The following AK9 variants were observed in gnomAD, a reference collection of about 807,000 sequenced individuals.
The protein encoded by AK9 is adenylate kinase domain containing 1.
Under a neutral mutation model 239.6 loss-of-function variants are expected in AK9, and 191 were observed. The ratio of observed to expected loss-of-function variants is 0.80; its 90% CI spans 0.71 to 0.90. AK9 has a LOEUF of 0.90. AK9 is among the 40% of genes least tolerant of loss of function. The pLI, the probability that AK9 is intolerant of heterozygous loss-of-function variation, is 0.00. For missense variants in AK9, 1,995 were observed against 2,214.7 expected (o/e 0.90, Z 1.99); for synonymous variants, 689 against 721.0 (o/e 0.96, Z 0.71).
At chr6:109,528,556 G>C in intron 29 of AK9, 1 of 456,960 alleles carries the variant, frequency 2.2e-6, no homozygotes, top group Non-Finnish European at 4.4e-6. Context: ...TGAATATTTT[G>C]TTTTGACAAA....
At chr6:109,676,116 A>G (rs895258046) in intron 1 of AK9, among the ~76,000 whole-genome samples, 1 of 152,136 alleles carries the variant, frequency 6.6e-6, no homozygotes, top group African/African-American at 2.4e-5. Flanking sequence ...ATTTTACCAG[A>G]AATAGAAAAG....
chr6:109,659,652 ACAAGT>A (rs1363784569), intron 6 of AK9, among the ~76,000 whole-genome samples: 1 of 152,162 alleles, frequency 6.6e-6, no homozygotes, highest in African/African-American at 2.4e-5. Context: ...AAAAAGTATT[ACAAGT>A]CTTAAGATGA....
intron 5 of AK9, among the ~76,000 whole-genome samples, chr6:109,666,286 AG>A (rs1441278808): frequency 6.6e-6 from 1 of 152,224 alleles, no homozygotes; most frequent in East Asian, 1.9e-4. Flanking sequence ...CAATTCTGGA[AG>A]ATCCCAGGGA....
At chr6:109,567,158 A>T (rs188041977) in intron 21 of AK9, among the ~76,000 whole-genome samples, 42 of 152,292 alleles carry the variant, frequency 2.8e-4, no homozygotes, top group African/African-American at 9.1e-4. Flanking sequence ...TTTTGAAAAG[A>T]TCAACAAAAT....
At chr6:109,527,775 A>C (rs1246281359) in intron 29 of AK9, 3 of 152,232 alleles carry the variant, frequency 2.0e-5, no homozygotes, top group African/African-American at 7.2e-5. Context: ...TCTACATAGA[A>C]TATTGAATTT....
At chr6:109,582,068 G>C (rs1788931239) in intron 19 of AK9, among the ~76,000 whole-genome samples, 1 of 152,122 alleles carries the variant, frequency 6.6e-6, no homozygotes, top group African/African-American at 2.4e-5. Flanking sequence ...AACTGCTGTT[G>C]AGATCTACTG....
In AK9 at chr6:109,493,169, T is replaced by C; in HGVS notation, c.*200A>G. 2.1e-6 allele frequency: 1 copy of C among 479,348 alleles called. No individual in the cohort carries two copies. Among genetic ancestry groups the C allele is most frequent in the Non-Finnish European group, 3.7e-6 (1 of 272,650 alleles). 29.7% of individuals were successfully genotyped at this position (479,348 alleles called of 1,614,324 possible). On this transcript the variant is annotated 3_prime_UTR_variant, in exon 41 of 41. Coordinates refer to ENST00000424296, the MANE Select transcript of AK9 (RefSeq NM_001145128.3). ...GGCAAAGAGCAATACATTTTAAAAT[T>C]GTATTAAAACTTGTTTCCATAAGAG...
chr6:109,652,694 C>G (rs71541003), intron 8 of AK9, among the ~76,000 whole-genome samples: 52,620 of 151,974 alleles, frequency 0.35, 9,570 homozygotes, highest in South Asian at 0.44. Flanking sequence ...TTAATAATTA[C>G]AAAAATAACT....
chr6:109,623,353 T>G (rs1244265664), intron 12 of AK9, among the ~76,000 whole-genome samples: 1 of 152,290 alleles, frequency 6.6e-6, no homozygotes. Flanking sequence ...CTTTTAAGAC[T>G]AAGTCATGAA....
At chr6:109,547,145 T>A (rs1484451599) in intron 25 of AK9, among the ~76,000 whole-genome samples, 1 of 152,128 alleles carries the variant, frequency 6.6e-6, no homozygotes, top group Non-Finnish European at 1.5e-5. Flanking sequence ...GATTGGGGCT[T>A]CTTTGTGAGG....
intron 37 of AK9, 74 bp downstream of exon 37, chr6:109,497,722 G>A: frequency 5.2e-6 from 8 of 1,525,004 alleles, no homozygotes; most frequent in Non-Finnish European, 7.1e-6. Flanking sequence ...TGACCAATAT[G>A]TTAAGATTAT....
chr6:109,558,585 T>C (rs540612179), intron 24 of AK9, among the ~76,000 whole-genome samples: 1 of 152,358 alleles, frequency 6.6e-6, no homozygotes, highest in Admixed American at 6.5e-5. Context: ...TTAATCTGTT[T>C]GCTGTTTTGT....
At chr6:109,622,371 A>C (rs1297949126) in intron 12 of AK9, among the ~76,000 whole-genome samples, 1 of 143,012 alleles carries the variant, frequency 7.0e-6, no homozygotes, top group African/African-American at 2.5e-5. Flanking sequence ...ATAGCATACT[A>C]TATCGTATAG....
chr6:109,574,663 T>C (rs1196687246), intron 20 of AK9, among the ~76,000 whole-genome samples: 1 of 152,140 alleles, frequency 6.6e-6, no homozygotes, highest in Non-Finnish European at 1.5e-5. Context: ...CCATAGACCC[T>C]AGGTTAAGAA....
intron 20 of AK9, among the ~76,000 whole-genome samples, chr6:109,575,660 G>C (rs1343596370): frequency 6.6e-6 from 1 of 152,084 alleles, no homozygotes; most frequent in African/African-American, 2.4e-5. Context: ...TTCTTTTGCT[G>C]TGCAGAAGAT....
chr6:109,501,847 TC>T, intron 35 of AK9, among the ~76,000 whole-genome samples: 1 of 152,342 alleles, frequency 6.6e-6, no homozygotes, highest in South Asian at 2.1e-4. Flanking sequence ...GGATGGGATC[TC>T]CTGAATGTCT....
At position 109,659,346 on chromosome 6, in the gene AK9, T is replaced by C. The variant is rs761501295; in HGVS notation, c.512A>G (p.Tyr171Cys). 1.2e-5 allele frequency: 20 copies of C among 1,612,296 alleles called. No individual in the cohort carries two copies. ...QRQHNNTGYIYSRDQWDPEVI... is the reference protein window; with the variant it reads ...QRQHNNTGYICSRDQWDPEVI... ...TTCAGGATCCCACTGGTCTCTACTGTATATGTATCCCGTATTATTGTGCTG... is the reference window on the plus strand; with the variant it reads ...TTCAGGATCCCACTGGTCTCTACTGCATATGTATCCCGTATTATTGTGCTG... The change falls in exon 7 of 41, where the codon TAC (tyrosine) becomes TGC (cysteine). Residue 171 changes from tyrosine (Y) to cysteine (C), a missense_variant. By Grantham distance (194) the Tyr-to-Cys change is radical (BLOSUM62 -2). Coordinates refer to ENST00000424296, the MANE Select transcript of AK9 (RefSeq NM_001145128.3).
intron 19 of AK9, among the ~76,000 whole-genome samples, chr6:109,584,576 T>C (rs1789253578): frequency 1.3e-5 from 2 of 152,280 alleles, no homozygotes; most frequent in African/African-American, 4.8e-5. Flanking sequence ...AAGTTTAGTA[T>C]TGACCCCTGC....
intron 1 of AK9, among the ~76,000 whole-genome samples, chr6:109,688,307 C>T (rs1275125433): frequency 2.0e-5 from 3 of 152,146 alleles, no homozygotes; most frequent in Admixed American, 1.3e-4. Context: ...ACACAGGACC[C>T]CTTCACCTTT....
Sources: gnomAD v4.1 joint callset for allele counts (sites outside exome capture counted in the v4.1 genomes callset) on GRCh38, gnomAD v4.1.1 for gene constraint, MANE v1.5 for transcripts, NCBI Gene and HGNC (gene_info 2026-07-23, HGNC 2026-07-21) for gene names.